Variants in CUTC observed in about 807,000 individuals in gnomAD.
CUTC encodes the protein cutC copper transporter, also known as copper homeostasis protein cutC homolog.
In CUTC, 27 loss-of-function variants were observed where a neutral mutation model predicts 36.2. The ratio of observed to expected loss-of-function variants is 0.75; its 90% CI spans 0.55 to 1.03. CUTC has a LOEUF of 1.03. CUTC is among the 50% of genes least tolerant of loss of function. The probability of loss-of-function intolerance (pLI) is 0.00; values close to 1 mark genes in which losing one functional copy is unlikely to be tolerated. For synonymous variants in CUTC, 114 were observed against 118.3 expected (o/e 0.96, Z 0.24); for missense variants, 315 against 343.5 (o/e 0.92, Z 0.66).
chr10:99,749,763 T>C (rs1219180352), intron 6 of CUTC, among the ~76,000 whole-genome samples: 1 of 152,156 alleles, frequency 6.6e-6, no homozygotes, highest in Non-Finnish European at 1.5e-5. Context: ...CTTGTTAACT[T>C]TATTTTTTGC....
At chr10:99,746,032 A>G (rs1429994104) in intron 5 of CUTC, among the ~76,000 whole-genome samples, 1 of 152,198 alleles carries the variant, frequency 6.6e-6, no homozygotes. Flanking sequence ...GTTTCATTCT[A>G]CCTAGTCCAA....
intron 1 of CUTC, among the ~76,000 whole-genome samples, chr10:99,735,513 T>G (rs1273358029): frequency 2.0e-5 from 3 of 152,144 alleles, no homozygotes; most frequent in African/African-American, 7.2e-5. Flanking sequence ...GTTCAAGCGA[T>G]TCTCATGCCT....
At chr10:99,754,464 T>G in intron 7 of CUTC, 65 bp from the exon 8 acceptor site, 4 of 1,074,626 alleles carry the variant, frequency 3.7e-6, no homozygotes, top group Non-Finnish European at 2.8e-6. Context: ...AAGCAGTCGT[T>G]ACTATTCCTT....
At chr10:99,739,413 A>G (rs565029110) in intron 2 of CUTC, among the ~76,000 whole-genome samples, 4 of 152,348 alleles carry the variant, frequency 2.6e-5, no homozygotes, top group African/African-American at 7.2e-5. Flanking sequence ...GTCAGTTTTA[A>G]GAAACATCTT....
rs1363345501 is a variant in CUTC at position 99,739,759 on chromosome 10, A to G, written c.183A>G (p.Thr61=). 2.5e-6 allele frequency: 4 copies of G among 1,610,206 alleles called. No homozygotes were observed. Among genetic ancestry groups the G allele is most frequent in the Non-Finnish European group, 3.4e-6 (4 of 1,178,644 alleles). ...CTGGTTTATCAGAGGGGGGAACTAC[A>G]CCCAGCATGGGTAAGTGTCCATTTT... ...LCSGLSEGGT[T]PSMGVLQVVK... Residue 61 remains threonine, a synonymous_variant, in exon 3 of 9, where the codon ACA becomes ACG. Transcript: ENST00000370476.
At chr10:99,745,778 A>G (rs1345023309) in intron 5 of CUTC, among the ~76,000 whole-genome samples, 1 of 152,212 alleles carries the variant, frequency 6.6e-6, no homozygotes, top group African/African-American at 2.4e-5. Flanking sequence ...AATCACTTGA[A>G]TCAGGGAGTC....
chr10:99,744,171 C>A, intron 5 of CUTC, 99 bp downstream of exon 5: 1 of 894,634 alleles, frequency 1.1e-6, no homozygotes, highest in South Asian at 1.6e-5. Context: ...CTGTAGTGTT[C>A]CAAGGTTACC....
intron 2 of CUTC, among the ~76,000 whole-genome samples, chr10:99,739,207 C>A (rs2037320710): frequency 6.6e-6 from 1 of 152,144 alleles, no homozygotes; most frequent in East Asian, 1.9e-4. Context: ...CTTCTTCAAA[C>A]TGGTTCCTGA....
intron 1 of CUTC, among the ~76,000 whole-genome samples, chr10:99,734,064 ATTTTTTTTTT>A (rs565604340): frequency 1.9e-5 from 2 of 103,346 alleles, no homozygotes; most frequent in African/African-American, 7.3e-5. Context: ...GACTGATAGT[ATTTTTTTTTT>A]TTTTTTTTTT....
chr10:99,736,967 T>G (rs61870399), intron 2 of CUTC, among the ~76,000 whole-genome samples: 1 of 151,988 alleles, frequency 6.6e-6, no homozygotes, highest in African/African-American at 2.4e-5. Context: ...TATTTTTAAA[T>G]CTTTTGAAAA....
intron 3 of CUTC, among the ~76,000 whole-genome samples, chr10:99,740,719 T>C (rs558676893): frequency 6.6e-6 from 1 of 152,326 alleles, no homozygotes; most frequent in East Asian, 1.9e-4. Flanking sequence ...TAAGCTATTC[T>C]TACATTAGAC....
intron 2 of CUTC, among the ~76,000 whole-genome samples, chr10:99,739,102 A>G (rs903715044): frequency 6.6e-6 from 1 of 152,150 alleles, no homozygotes; most frequent in African/African-American, 2.4e-5. Context: ...TTTTGTCATT[A>G]TGAATGTAGA....
Position 99,744,900 on chromosome 10 carries a change from C to A in CUTC, c.439+828C>A, listed in dbSNP as rs567392004. 5.3e-5 allele frequency among the ~76,000 whole-genome samples: 8 copies of A among 152,276 alleles called. No homozygotes were observed. The East Asian group carries it at 1.4e-3, about 26-fold the overall frequency. ...CCCGAGTAGCTGGGATTACAGGCGC[C>A]TGCCACCATGCCCAGCTAATTTTTG... On this transcript the variant is annotated intron_variant, in intron 5 of 8. Transcript: ENST00000370476.
chr10:99,732,699 C>G lies in CUTC; in HGVS notation c.61+290C>G, dbSNP rs143617167. 138 of 1,189,464 alleles carry G rather than the reference C, an allele frequency of 1.2e-4. No individual in the cohort carries two copies. In the African/African-American group the frequency reaches 1.7e-3, roughly 15 times the overall value. 73.7% of individuals were successfully genotyped at this position (1,189,464 alleles called of 1,614,324 possible). A position where few individuals can be genotyped will look rare whatever the true frequency, so the allele number is the denominator to read the frequency against. The stretch of plus-strand genomic sequence containing the variant: ...GTTAACTTCAGCTTCACGTTTTTTC[C>G]GTCGCCACACGAGGATGCCAGTACC... On this transcript the variant is annotated intron_variant, in intron 1 of 8. Coordinates refer to ENST00000370476, the MANE Select transcript of CUTC (RefSeq NM_015960.3).
chr10:99,751,330 C>G (rs909405600), intron 7 of CUTC, among the ~76,000 whole-genome samples: 2 of 152,028 alleles, frequency 1.3e-5, no homozygotes, highest in African/African-American at 4.8e-5. Flanking sequence ...AGTCAAGGAA[C>G]AAGCATTACA....
intron 1 of CUTC, among the ~76,000 whole-genome samples, chr10:99,735,090 A>G (rs2037283736): frequency 7.8e-6 from 1 of 127,442 alleles, no homozygotes; most frequent in African/African-American, 3.0e-5. Context: ...CGACAGAGCA[A>G]GACTCTGTAT....
chr10:99,743,259 G>T lies in CUTC; in HGVS notation c.300G>T (p.Lys100Asn). ...LYSDREIEVM[K>N]ADIRLAKLYG... is the part of the protein sequence containing the mutation. ...CAGATCGTGAAATTGAGGTGATGAAGGCTGACATTCGTCTTGCCAAGCTTT... is the reference window on the plus strand; with the variant it reads ...CAGATCGTGAAATTGAGGTGATGAATGCTGACATTCGTCTTGCCAAGCTTT... The change falls in exon 4 of 9, where the codon AAG becomes AAT. Residue 100 changes from lysine (K) to asparagine (N), a missense_variant. Transcript: ENST00000370476. 1 of 1,614,152 alleles carries T rather than the reference G, an allele frequency of 6.2e-7. No individual in the cohort carries two copies. Among genetic ancestry groups the T allele is most frequent in the Non-Finnish European group, 8.5e-7 (1 of 1,180,020 alleles).
chr10:99,733,057 AT>A (rs925015109), intron 1 of CUTC, among the ~76,000 whole-genome samples: 2 of 151,826 alleles, frequency 1.3e-5, no homozygotes, highest in East Asian at 1.9e-4. Context: ...ATTAAAACAA[AT>A]TTTTTTTTGG....
intron 7 of CUTC, among the ~76,000 whole-genome samples, chr10:99,754,319 A>G (rs929742021): frequency 6.6e-6 from 1 of 152,222 alleles, no homozygotes; most frequent in Non-Finnish European, 1.5e-5. Context: ...TACATGTTCT[A>G]TAAACTTAAT....
Sources: allele counts gnomAD v4.1 joint callset (sites outside exome capture counted in the v4.1 genomes callset), GRCh38; gene constraint gnomAD v4.1.1; transcripts MANE v1.5; gene names NCBI Gene and HGNC (gene_info 2026-07-23, HGNC 2026-07-21).